The following CSMD3 variants were observed in gnomAD, a reference collection of about 807,000 sequenced individuals.
The protein encoded by CSMD3 is CUB and Sushi multiple domains 3.
A neutral mutation model predicts 435.2 loss-of-function variants in CSMD3; 177 were observed. The ratio of observed to expected loss-of-function variants is 0.41; its 90% CI spans 0.36 to 0.46. CSMD3 has a LOEUF of 0.46. Ranked by LOEUF, CSMD3 falls within the 20% of genes least tolerant of loss-of-function variation. The pLI, the probability that CSMD3 is intolerant of heterozygous loss-of-function variation, is 0.34. For synonymous variants in CSMD3, 1,656 were observed against 1,520.5 expected, an observed-to-expected ratio of 1.09 and a Z score of -2.07; for missense variants, 4,265 against 4,504.6, an observed-to-expected ratio of 0.95 and a Z score of 1.52.
chr8:112,475,179 T>A (rs1354278984), intron 31 of CSMD3, among the ~76,000 whole-genome samples: 1 of 152,206 alleles, frequency 6.6e-6, no homozygotes. Context: ...GGAAGTATGA[T>A]AGAAATGGAA....
At chr8:113,243,805 C>T (rs540714675) in intron 3 of CSMD3, among the ~76,000 whole-genome samples, 14 of 152,234 alleles carry the variant, frequency 9.2e-5, no homozygotes, top group African/African-American at 3.4e-4. Context: ...TAACCAACTA[C>T]TGGGTGTGAA....
At chr8:112,248,332 A>G (rs1220107574) in intron 63 of CSMD3, among the ~76,000 whole-genome samples, 2 of 152,132 alleles carry the variant, frequency 1.3e-5, no homozygotes, top group African/African-American at 4.8e-5. Flanking sequence ...ATGGCAGGAT[A>G]TGGTATTTAG....
chr8:113,323,818 A>G (rs1445698041), intron 1 of CSMD3, among the ~76,000 whole-genome samples: 1 of 152,212 alleles, frequency 6.6e-6, no homozygotes, highest in Non-Finnish European at 1.5e-5. Flanking sequence ...TAAATATAAA[A>G]GGTACATTTT....
chr8:112,647,296 A>C (rs2075006259), intron 19 of CSMD3, among the ~76,000 whole-genome samples: 3 of 147,656 alleles, frequency 2.0e-5, no homozygotes, highest in Non-Finnish European at 4.4e-5. Flanking sequence ...TGTCATTTTC[A>C]AATCACTTTT....
At chr8:112,686,549 C>G (rs573534567) in intron 14 of CSMD3, among the ~76,000 whole-genome samples, 1 of 150,522 alleles carries the variant, frequency 6.6e-6, no homozygotes, top group African/African-American at 2.4e-5. Flanking sequence ...TGCAGTGGCA[C>G]CATCTAGGCT....
intron 10 of CSMD3, among the ~76,000 whole-genome samples, chr8:112,905,741 C>T (rs763574424): frequency 6.6e-6 from 1 of 151,428 alleles, no homozygotes; most frequent in Non-Finnish European, 1.5e-5. Context: ...GGCACCAATG[C>T]TTATATTCTG....
At chr8:113,311,974 C>T (rs1472920698) in intron 2 of CSMD3, 1 of 151,928 alleles carries the variant, frequency 6.6e-6, no homozygotes, top group African/African-American at 2.4e-5. Flanking sequence ...GCTTACCTTT[C>T]GGTTTATATT....
At chr8:112,237,446 T>C (rs1012439139) in intron 66 of CSMD3, 98 bp from the exon 67 acceptor site, 9 of 850,012 alleles carry the variant, frequency 1.1e-5, no homozygotes, top group Non-Finnish European at 1.8e-5. Context: ...GATGTATTGC[T>C]AATACACAAT....
intron 3 of CSMD3, among the ~76,000 whole-genome samples, chr8:113,205,426 G>A (rs1013522476): frequency 6.6e-6 from 1 of 152,104 alleles, no homozygotes; most frequent in Non-Finnish European, 1.5e-5. Flanking sequence ...GATGTGGGTG[G>A]GGACCAGCCA....
intron 42 of CSMD3, among the ~76,000 whole-genome samples, chr8:112,341,274 G>T (rs1039793960): frequency 2.0e-5 from 3 of 151,676 alleles, no homozygotes; most frequent in African/African-American, 4.8e-5. Context: ...ATTTTCTAAG[G>T]TCTCAGAGAG....
intron 11 of CSMD3, among the ~76,000 whole-genome samples, chr8:112,840,676 C>T (rs944761055): frequency 6.6e-6 from 1 of 151,432 alleles, no homozygotes; most frequent in Non-Finnish European, 1.5e-5. Context: ...ATTCTGAACC[C>T]CAGAAACAAT....
intron 5 of CSMD3, among the ~76,000 whole-genome samples, chr8:113,052,069 C>T (rs1196487653): frequency 6.6e-6 from 1 of 152,082 alleles, no homozygotes; most frequent in African/African-American, 2.4e-5. Context: ...TTGTAGTAAA[C>T]ATTAATAAAC....
chr8:112,531,914 T>C (rs1378860026), intron 27 of CSMD3, among the ~76,000 whole-genome samples: 3 of 152,150 alleles, frequency 2.0e-5, no homozygotes, highest in Non-Finnish European at 4.4e-5. Context: ...GTGCCCGAGA[T>C]ATGCAACCTT....
At chr8:112,681,310 C>A in intron 16 of CSMD3, among the ~76,000 whole-genome samples, 1 of 151,620 alleles carries the variant, frequency 6.6e-6, no homozygotes, top group East Asian at 2.0e-4. Flanking sequence ...CCTTGGCCTC[C>A]TAAAGTGCTG....
intron 32 of CSMD3, among the ~76,000 whole-genome samples, chr8:112,434,993 A>G (rs1814162876): frequency 6.6e-6 from 1 of 152,086 alleles, no homozygotes; most frequent in Non-Finnish European, 1.5e-5. Context: ...GCATACTTTC[A>G]GCAAAAAGCA....
At chr8:112,827,895 A>G (rs1186134006) in intron 12 of CSMD3, among the ~76,000 whole-genome samples, 1 of 152,178 alleles carries the variant, frequency 6.6e-6, no homozygotes, top group African/African-American at 2.4e-5. Flanking sequence ...CATGACTATG[A>G]AGATCTAGGG....
At chr8:112,593,743 T>C (rs567226225) in intron 22 of CSMD3, among the ~76,000 whole-genome samples, 8 of 152,172 alleles carry the variant, frequency 5.3e-5, no homozygotes, top group South Asian at 4.1e-4. Flanking sequence ...AAAGAGAAGA[T>C]AGTTTTAAGA....
At chr8:113,237,927 T>G (rs1485148393) in intron 3 of CSMD3, among the ~76,000 whole-genome samples, 1 of 151,824 alleles carries the variant, frequency 6.6e-6, no homozygotes, top group Non-Finnish European at 1.5e-5. Context: ...GTACAAAAAT[T>G]AGCCAGGTGT....
intron 32 of CSMD3, among the ~76,000 whole-genome samples, chr8:112,425,703 C>T (rs1030089669): frequency 2.6e-5 from 4 of 152,102 alleles, no homozygotes; most frequent in African/African-American, 7.2e-5. Context: ...TTTAACATTC[C>T]CCACTGTGGT....
Sources: allele counts gnomAD v4.1 joint callset (sites outside exome capture counted in the v4.1 genomes callset), GRCh38; gene constraint gnomAD v4.1.1; transcripts MANE v1.5; gene names NCBI Gene and HGNC (gene_info 2026-07-23, HGNC 2026-07-21).